CYP39A1: variants seen among roughly 807,000 people sequenced by gnomAD.
CYP39A1 encodes the protein cytochrome P450 family 39 subfamily A member 1, also known as 24-hydroxycholesterol 7-alpha-hydroxylase.
In CYP39A1, 49 loss-of-function variants were observed where a neutral mutation model predicts 58.1. The observed-to-expected ratio is 0.84, with a 90% CI of 0.67 to 1.07. CYP39A1 has a LOEUF of 1.07. Among genes scored for constraint, CYP39A1 ranks in the 50% least tolerant of loss-of-function variants. The pLI is 0.00. For missense variants in CYP39A1, 531 were observed against 539.4 expected (o/e 0.98, Z 0.16); for synonymous variants, 209 against 187.6 (o/e 1.11, Z -0.93).
chr6:46,638,023 G>C, intron 3 of CYP39A1, 45 bp from the exon 4 acceptor site: 1 of 1,561,322 alleles, frequency 6.4e-7, no homozygotes, highest in Non-Finnish European at 8.6e-7. Context: ...GAAGACCAAA[G>C]AAGAAAGGCA....
intron 10 of CYP39A1, among the ~76,000 whole-genome samples, chr6:46,558,212 T>C (rs886084681): frequency 3.3e-5 from 5 of 152,148 alleles, no homozygotes; most frequent in Admixed American, 3.3e-4. Context: ...TATTCATCTG[T>C]TCTCACACTG....
chr6:46,615,853 CT>C (rs1774502466), intron 7 of CYP39A1, among the ~76,000 whole-genome samples: 1 of 152,074 alleles, frequency 6.6e-6, no homozygotes, highest in African/African-American at 2.4e-5. Context: ...TCAGCTCTTC[CT>C]CTAGATATCT....
At chr6:46,645,548 T>G (rs1762270792) in intron 1 of CYP39A1, among the ~76,000 whole-genome samples, 1 of 152,206 alleles carries the variant, frequency 6.6e-6, no homozygotes, top group Non-Finnish European at 1.5e-5. Context: ...TGTCTATCCT[T>G]CTGCCAGTAC....
At chr6:46,565,752 CAGAT>C (rs1771241372) in intron 10 of CYP39A1, among the ~76,000 whole-genome samples, 1 of 152,134 alleles carries the variant, frequency 6.6e-6, no homozygotes, top group Non-Finnish European at 1.5e-5. Context: ...AGGATCCAAT[CAGAT>C]AGAGCACTGT....
chr6:46,582,439 T>C (rs903994757), intron 10 of CYP39A1, among the ~76,000 whole-genome samples: 4 of 152,180 alleles, frequency 2.6e-5, no homozygotes, highest in African/African-American at 9.6e-5. Flanking sequence ...GTCCCAAATA[T>C]ATCATCGCCT....
chr6:46,551,046 T>C (rs1038864098), intron 11 of CYP39A1, among the ~76,000 whole-genome samples: 3 of 151,836 alleles, frequency 2.0e-5, no homozygotes, highest in Non-Finnish European at 4.4e-5. Flanking sequence ...TACAAAGAGA[T>C]ATTTGAGGTT....
At chr6:46,638,468 T>C (rs1237727641) in intron 3 of CYP39A1, among the ~76,000 whole-genome samples, 1 of 152,208 alleles carries the variant, frequency 6.6e-6, no homozygotes, top group African/African-American at 2.4e-5. Context: ...CAATAAGTTT[T>C]ACCATTAAGA....
intron 5 of CYP39A1, among the ~76,000 whole-genome samples, chr6:46,631,583 TG>T (rs1436552671): frequency 5.9e-5 from 9 of 152,172 alleles, no homozygotes; most frequent in African/African-American, 1.9e-4. Flanking sequence ...CTTAGCAAAA[TG>T]CAAGCAATAG....
intron 10 of CYP39A1, among the ~76,000 whole-genome samples, chr6:46,575,680 G>A (rs963357703): frequency 2.6e-5 from 4 of 152,176 alleles, no homozygotes; most frequent in Admixed American, 2.6e-4. Flanking sequence ...CCAGTCAAGT[G>A]TTGTTGCCAA....
At chr6:46,600,202 C>T (rs929884791) in intron 7 of CYP39A1, among the ~76,000 whole-genome samples, 1 of 151,966 alleles carries the variant, frequency 6.6e-6, no homozygotes, top group Non-Finnish European at 1.5e-5. Flanking sequence ...GATCTTGGCT[C>T]ACTACAACCT....
intron 6 of CYP39A1, among the ~76,000 whole-genome samples, chr6:46,627,422 AT>A (rs10568938): frequency 0.62 from 79,556 of 129,314 alleles, 23,090 homozygotes; most frequent in Non-Finnish European, 0.73. Flanking sequence ...TTATTTATTT[AT>A]TTTTTTTTTT....
At chr6:46,631,454 C>A (rs779337462) in intron 5 of CYP39A1, among the ~76,000 whole-genome samples, 1 of 152,126 alleles carries the variant, frequency 6.6e-6, no homozygotes, top group Admixed American at 6.6e-5. Context: ...TAAAATAAAA[C>A]CTTTCAGAGG....
Position 46,616,193 on chromosome 6 carries a change from TCC to T in CYP39A1, c.931+9223_931+9224del, listed in dbSNP as rs1774571627. ...TTTCTTTCTTTCTTTCTTTCTTCTT[TCC>T]CTCCCTCCCTCCCTCCCTCCCTCCC... On this transcript the variant is annotated intron_variant, in intron 7 of 11. Transcript: ENST00000275016. Among the ~76,000 whole-genome samples the T allele has an allele frequency of 7.0e-3, 8 of 1,144 alleles. 1 individual carries two copies. The highest frequency in any genetic ancestry group is 0.05 in the East Asian group (1 of 20). The allele number at this position is 1,144 out of a possible 152,430, so 0.8% of individuals were successfully genotyped here.
chr6:46,567,843 T>C (rs532452016), intron 10 of CYP39A1, among the ~76,000 whole-genome samples: 57 of 152,196 alleles, frequency 3.7e-4, no homozygotes, highest in African/African-American at 1.3e-3. Flanking sequence ...AAACAAATTG[T>C]TTTGAGAGAA....
intron 7 of CYP39A1, among the ~76,000 whole-genome samples, chr6:46,608,509 T>A (rs996324955): frequency 3.8e-4 from 58 of 152,164 alleles, no homozygotes; most frequent in Non-Finnish European, 7.1e-4. Flanking sequence ...AGCAATTCCA[T>A]TTTTTAAAAT....
chr6:46,583,532 A>G, intron 10 of CYP39A1: 1 of 985,348 alleles, frequency 1.0e-6, no homozygotes, highest in South Asian at 4.7e-5. Flanking sequence ...TGCAAGCTAC[A>G]ATTTCTGAAG....
chr6:46,613,288 C>T (rs946192976), intron 7 of CYP39A1, among the ~76,000 whole-genome samples: 1 of 152,204 alleles, frequency 6.6e-6, no homozygotes, highest in Non-Finnish European at 1.5e-5. Context: ...GTCAGGATTG[C>T]TGCTAAATCA....
At chr6:46,579,210 A>G (rs752658857) in intron 10 of CYP39A1, among the ~76,000 whole-genome samples, 4 of 152,118 alleles carry the variant, frequency 2.6e-5, no homozygotes, top group Non-Finnish European at 5.9e-5. Context: ...CAATATAAAC[A>G]AATCAATCAA....
At chr6:46,554,771 C>T (rs1386130417) in intron 10 of CYP39A1, among the ~76,000 whole-genome samples, 1 of 151,926 alleles carries the variant, frequency 6.6e-6, no homozygotes, top group Non-Finnish European at 1.5e-5. Context: ...AGACTAAATC[C>T]TCTCCATCAC....
Sources: gnomAD v4.1 joint callset for allele counts (sites outside exome capture counted in the v4.1 genomes callset) on GRCh38, gnomAD v4.1.1 for gene constraint, MANE v1.5 for transcripts, NCBI Gene and HGNC (gene_info 2026-07-23, HGNC 2026-07-21) for gene names.